The following SYPL1 variants were observed in gnomAD, a reference collection of about 807,000 sequenced individuals.
SYPL1 encodes synaptophysin like 1.
Under a neutral mutation model 23.7 loss-of-function variants are expected in SYPL1, and 6 were observed. The ratio of observed to expected loss-of-function variants is 0.25; its 90% CI spans 0.14 to 0.50. SYPL1 has a LOEUF of 0.50. Among genes scored for constraint, SYPL1 ranks in the 20% least tolerant of loss-of-function variants. The pLI is 0.98. For synonymous variants in SYPL1, 102 were observed against 104.5 expected, an observed-to-expected ratio of 0.98 and a Z score of 0.15; for missense variants, 253 against 288.9, an observed-to-expected ratio of 0.88 and a Z score of 0.90.
chr7:106,112,087 T>G, intron 1 of SYPL1, 53 bp downstream of exon 1: 1 of 1,351,010 alleles, frequency 7.4e-7, no homozygotes, highest in Non-Finnish European at 9.7e-7. Flanking sequence ...TCTCCCCGCC[T>G]AGGGCGCCGC....
At position 106,095,555 on chromosome 7, in the gene SYPL1, G is replaced by A. The variant is rs1163856187; in HGVS notation, c.402+2135C>T. Among the ~76,000 whole-genome samples the A allele has an allele frequency of 1.3e-5, 2 of 152,080 alleles. No individual in the cohort carries two copies. Among genetic ancestry groups the A allele is most frequent in the African/African-American group, 4.8e-5 (2 of 41,412 alleles). On this transcript the variant is annotated intron_variant, in intron 3 of 4. Coordinates refer to ENST00000455385, the MANE Select transcript of SYPL1 (RefSeq NM_182715.4). This position sits in a 1 kb window ranked among gnomAD's most constrained non-coding sequence, Gnocchi z 4.3. ...GCAGAGATGGGGTTTCACCATGTTGGCCAGGCTGGTCTCGAACTCCTGACC... is the reference window on the plus strand; with the variant it reads ...GCAGAGATGGGGTTTCACCATGTTGACCAGGCTGGTCTCGAACTCCTGACC...
rs1563338436 is a variant in SYPL1, at chr7:106,093,031, T to C, written c.509A>G (p.Asp170Gly). 1.9e-6 allele frequency: 3 copies of C among 1,613,840 alleles called. No homozygotes were observed. Among genetic ancestry groups the C allele is most frequent in the Middle Eastern group, 1.6e-4 (1 of 6,084 alleles). The change falls in exon 4 of 5, where the codon GAT becomes GGT. Residue 170 changes from aspartate to glycine, a missense_variant. Asp to Gly is a moderately conservative substitution (Grantham distance 94). Transcript: ENST00000455385. ...TTTCTTCTTACAAGGCGGAAGTTCA[T>C]CAATAATATTGTGACCAGTAGCTAT... The part of the protein sequence containing the change: ...IKIATGHNII[D>G]ELPPCKKKAV...
In SYPL1 at chr7:106,112,219, A is replaced by G; in HGVS notation, c.-11T>C. ...CTGGAAGCCGGACATCCTCTGAGGAAAGGAGGGAGAGAGAGTCAGGACGAC... is the reference window on the plus strand; with the variant it reads ...CTGGAAGCCGGACATCCTCTGAGGAGAGGAGGGAGAGAGAGTCAGGACGAC... On this transcript the variant is annotated 5_prime_UTR_variant, in exon 1 of 5. Transcript: ENST00000455385. 6.5e-7 allele frequency: 1 copy of G among 1,537,968 alleles called. No individual in the cohort carries two copies. Among genetic ancestry groups the G allele is most frequent in the Non-Finnish European group, 8.8e-7 (1 of 1,134,284 alleles).
In SYPL1 at chr7:106,091,700, T is replaced by C. The variant is rs1343552735; in HGVS notation, c.*105A>G. On this transcript the variant is annotated 3_prime_UTR_variant, in exon 5 of 5. Transcript: ENST00000455385. This position sits in a 1 kb window ranked among gnomAD's most constrained non-coding sequence, Gnocchi z 5.0. The stretch of plus-strand genomic sequence containing the variant: ...GCAAAGTTTTAAACCCACCAATATA[T>C]TGACAAAGCCATTACTTTTATTAGA... The C allele has an allele frequency of 3.1e-6, 4 of 1,289,046 alleles. No individual in the cohort carries two copies. Among genetic ancestry groups the C allele is most frequent in the Middle Eastern group, 2.4e-4 (1 of 4,226 alleles). The allele number at this position is 1,289,046 out of a possible 1,614,324, so 79.9% of individuals were successfully genotyped here. A position where few individuals can be genotyped will look rare whatever the true frequency, so the allele number is the denominator to read the frequency against.
chr7:106,108,185 A>G (rs930923712), intron 1 of SYPL1, among the ~76,000 whole-genome samples: 17 of 152,162 alleles, frequency 1.1e-4, no homozygotes, highest in African/African-American at 3.9e-4. Context: ...GACAGAGACT[A>G]TATTTTTAAA....
intron 2 of SYPL1, 138 bp from the exon 3 acceptor site, chr7:106,098,035 AT>A: frequency 1.4e-6 from 1 of 710,970 alleles, no homozygotes; most frequent in Non-Finnish European, 2.3e-6. Flanking sequence ...TAAAATTCAA[AT>A]ATTATATTTA....
chr7:106,096,097 A>T lies in SYPL1; in HGVS notation c.402+1593T>A, dbSNP rs577720201. 3.3e-5 allele frequency among the ~76,000 whole-genome samples: 5 copies of T among 152,360 alleles called. No individual in the cohort carries two copies. Among genetic ancestry groups the T allele is most frequent in the African/African-American group, 1.2e-4 (5 of 41,598 alleles). On this transcript the variant is annotated intron_variant, in intron 3 of 4. Coordinates refer to ENST00000455385, the MANE Select transcript of SYPL1 (RefSeq NM_182715.4). The surrounding 1 kb of genome is among the most constrained non-coding windows in gnomAD (Gnocchi z 4.4). The stretch of plus-strand genomic sequence containing the variant: ...TAAGATTATTCCAGTTCCCTTTTAA[A>T]TAAGATTTGAAAAGTCTGCAGAAGA...
chr7:106,106,690 A>G (rs1251001500), intron 1 of SYPL1, among the ~76,000 whole-genome samples: 3 of 152,014 alleles, frequency 2.0e-5, no homozygotes, highest in Admixed American at 2.0e-4. Context: ...ATAAAAAATT[A>G]TAGAAGTAGC....
At chr7:106,111,041 G>A (rs1790118550) in intron 1 of SYPL1, among the ~76,000 whole-genome samples, 4 of 152,210 alleles carry the variant, frequency 2.6e-5, no homozygotes, top group African/African-American at 9.7e-5. Context: ...TTTGTGTGAA[G>A]TCAGCACTAC....
At chr7:106,092,349 T>C (rs1839774036) in intron 4 of SYPL1, among the ~76,000 whole-genome samples, 1 of 152,202 alleles carries the variant, frequency 6.6e-6, no homozygotes, top group African/African-American at 2.4e-5. Flanking sequence ...ACAACTTTAC[T>C]TCCCATCCCA....
At chr7:106,099,588 C>T (rs970821300) in intron 1 of SYPL1, among the ~76,000 whole-genome samples, 5 of 152,012 alleles carry the variant, frequency 3.3e-5, no homozygotes, top group Non-Finnish European at 7.4e-5. Context: ...GAGATGAGGC[C>T]TCGCTATGTT....
chr7:106,093,223 A>C, intron 3 of SYPL1, 86 bp from the exon 4 acceptor site: 1 of 1,269,024 alleles, frequency 7.9e-7, no homozygotes, highest in Non-Finnish European at 1.1e-6. Context: ...CTGAGATTAC[A>C]TTCAACCTTA....
chr7:106,094,456 G>A (rs1311178633), intron 3 of SYPL1, among the ~76,000 whole-genome samples: 1 of 152,204 alleles, frequency 6.6e-6, no homozygotes, highest in Non-Finnish European at 1.5e-5. Context: ...GAACACGGAA[G>A]TACATGCATT....
At chr7:106,112,504 C>T (rs866204607), upstream of SYPL1, 5 of 1,523,912 alleles carry the variant, frequency 3.3e-6, no homozygotes, top group Non-Finnish European at 4.4e-6. Context: ...GATCCGCTGG[C>T]GAACCAAGTA....
intron 4 of SYPL1, 172 bp downstream of exon 4, chr7:106,092,777 A>C: frequency 3.2e-6 from 2 of 617,126 alleles, no homozygotes; most frequent in Non-Finnish European, 5.5e-6. Context: ...TACAGGTAAT[A>C]CTTTTTTTAG....
At position 106,091,697 on chromosome 7, in the gene SYPL1, A is replaced by G. The variant is rs1384260332; in HGVS notation, c.*108T>C. 8.0e-7 allele frequency: 1 copy of G among 1,255,830 alleles called. No individual in the cohort carries two copies. Among genetic ancestry groups the G allele is most frequent in the Non-Finnish European group, 1.1e-6 (1 of 940,388 alleles). 77.8% of individuals were successfully genotyped at this position (1,255,830 alleles called of 1,614,324 possible). Reference sequence around the variant, plus strand: ...GCAGCAAAGTTTTAAACCCACCAATATATTGACAAAGCCATTACTTTTATT... The same window carrying G: ...GCAGCAAAGTTTTAAACCCACCAATGTATTGACAAAGCCATTACTTTTATT... On this transcript the variant is annotated 3_prime_UTR_variant, in exon 5 of 5. Coordinates refer to ENST00000455385, the MANE Select transcript of SYPL1 (RefSeq NM_182715.4). This position sits in a 1 kb window ranked among gnomAD's most constrained non-coding sequence, Gnocchi z 5.0.
In SYPL1 at chr7:106,100,316, A is replaced by G. The variant is rs980150814; in HGVS notation, c.70-1034T>C. Among the ~76,000 whole-genome samples the G allele has an allele frequency of 6.6e-6, 1 of 152,226 alleles. No homozygotes were observed. Among genetic ancestry groups the G allele is most frequent in the Non-Finnish European group, 1.5e-5 (1 of 68,034 alleles). On this transcript the variant is annotated intron_variant, in intron 1 of 4. Transcript: ENST00000455385. This position sits in a 1 kb window ranked among gnomAD's most constrained non-coding sequence, Gnocchi z 5.1. ...AATGTTGACAGGGAATCAAACTATA[A>G]TTCATCCATTCATTCATTCATGCAA...
chr7:106,109,254 GT>G lies in SYPL1; in HGVS notation c.69+2885del, dbSNP rs1281056403. 1.3e-5 allele frequency among the ~76,000 whole-genome samples: 2 copies of G among 151,852 alleles called. No homozygotes were observed. The highest frequency in any genetic ancestry group is 3.9e-4 in the East Asian group (2 of 5,182). On this transcript the variant is annotated intron_variant, in intron 1 of 4. Coordinates refer to ENST00000455385, the MANE Select transcript of SYPL1 (RefSeq NM_182715.4). The surrounding 1 kb of genome is among the most constrained non-coding windows in gnomAD (Gnocchi z 4.3). Reference sequence around the variant, plus strand: ...TAAGCTGAACTAGTGGCTTTTTTTTGTAACCACCAAATTTCTCCCATCTTCA... The same window carrying G: ...TAAGCTGAACTAGTGGCTTTTTTTTGAACCACCAAATTTCTCCCATCTTCA...
chr7:106,103,281 A>C (rs950418256), intron 1 of SYPL1, among the ~76,000 whole-genome samples: 1 of 152,220 alleles, frequency 6.6e-6, no homozygotes, highest in Non-Finnish European at 1.5e-5. Flanking sequence ...ATGCTGAGTT[A>C]AAACAAAAAC....
Sources: allele counts gnomAD v4.1 joint callset (sites outside exome capture counted in the v4.1 genomes callset), GRCh38; gene constraint gnomAD v4.1.1; non-coding constraint Gnocchi (gnomAD v3.1); transcripts MANE v1.5; gene names NCBI Gene and HGNC (gene_info 2026-07-23, HGNC 2026-07-21).